The following TRPC4 variants were observed in gnomAD, a reference collection of about 807,000 sequenced individuals.
TRPC4 encodes short transient receptor potential channel 4.
A neutral mutation model predicts 99.4 loss-of-function variants in TRPC4; 49 were observed. The ratio of observed to expected loss-of-function variants is 0.49; its 90% CI spans 0.39 to 0.63. The LOEUF (loss-of-function observed/expected upper bound fraction) is 0.63. Ranked by LOEUF, TRPC4 falls within the 20% of genes least tolerant of loss-of-function variation. TRPC4 has a pLI of 0.00. For synonymous variants in TRPC4, 454 were observed against 425.9 expected (o/e 1.07, Z -0.81); for missense variants, 898 against 1,152.9 (o/e 0.78, Z 3.20).
chr13:37,689,165 A>G (rs1953595887), intron 4 of TRPC4, among the ~76,000 whole-genome samples: 1 of 152,140 alleles, frequency 6.6e-6, no homozygotes, highest in Admixed American at 6.6e-5. Flanking sequence ...GGATGATAGG[A>G]TACAGGGGGA....
intron 1 of TRPC4, among the ~76,000 whole-genome samples, chr13:37,840,517 C>T (rs941672486): frequency 3.3e-5 from 5 of 152,028 alleles, no homozygotes; most frequent in African/African-American, 4.8e-5. Flanking sequence ...TTCTCTATCT[C>T]CTCCCTCTAA....
At chr13:37,725,140 T>C (rs980307427) in intron 3 of TRPC4, among the ~76,000 whole-genome samples, 5 of 151,966 alleles carry the variant, frequency 3.3e-5, no homozygotes, top group African/African-American at 1.2e-4. Context: ...TTGGGCGGAC[T>C]GAAGAAAAAA....
At chr13:37,748,995 T>C (rs1391698690) in intron 2 of TRPC4, among the ~76,000 whole-genome samples, 2 of 152,146 alleles carry the variant, frequency 1.3e-5, no homozygotes, top group East Asian at 1.9e-4. Context: ...TCCTCATGTA[T>C]ACAGGGATAT....
At chr13:37,753,122 T>C (rs1955982981) in intron 2 of TRPC4, among the ~76,000 whole-genome samples, 1 of 151,856 alleles carries the variant, frequency 6.6e-6, no homozygotes, top group Non-Finnish European at 1.5e-5. Context: ...CAGAAAAGGA[T>C]TTGAGGAGGT....
intron 4 of TRPC4, among the ~76,000 whole-genome samples, chr13:37,676,699 A>C (rs1171702954): frequency 6.6e-6 from 1 of 152,130 alleles, no homozygotes; most frequent in Admixed American, 6.5e-5. Context: ...GTGCTGAAAG[A>C]AAAAGAATAA....
In TRPC4 at chr13:37,637,044, C is replaced by T. The variant is rs1382161967; in HGVS notation, c.2793G>A (p.Lys931=). Residue 931 remains lysine, a synonymous_variant, in exon 11 of 11, where the codon AAG becomes AAA. Coordinates refer to ENST00000379705, the MANE Select transcript of TRPC4 (RefSeq NM_016179.4). ...LQVGKRVCPF[K]SEKVVVEDTV... is the part of the protein sequence containing the mutation. ...TGTCCTCCACCACCACCTTCTCTGA[C>T]TTGAATGGACACACTCTCTTTCCTA... 2.5e-6 allele frequency: 4 copies of T among 1,613,640 alleles called. No individual in the cohort carries two copies. The African/African-American group carries it at 4.0e-5, about 16-fold the overall frequency.
chr13:37,865,888 T>C (rs149831753), intron 1 of TRPC4, among the ~76,000 whole-genome samples: 251 of 151,898 alleles, frequency 1.7e-3, no homozygotes, highest in African/African-American at 5.8e-3. Flanking sequence ...AGTTTCAAGG[T>C]AGATGTTAAG....
chr13:37,835,683 A>G (rs1215055406), intron 1 of TRPC4, among the ~76,000 whole-genome samples: 4 of 152,196 alleles, frequency 2.6e-5, no homozygotes, highest in Non-Finnish European at 4.4e-5. Flanking sequence ...CCAAAAAAAG[A>G]GGAAGATAAC....
In TRPC4 at chr13:37,639,073, T is replaced by G. The variant is rs555604232; in HGVS notation, c.2178A>C (p.Lys726Asn). The change falls in exon 10 of 11, where the codon AAA becomes AAC. Residue 726 changes from lysine (K) to asparagine (N), a missense_variant. Around this residue, in one of 3 missense-constraint regions of TRPC4, gnomAD observed 346 missense variants for 351.4 expected, o/e 0.98. Coordinates refer to ENST00000379705, the MANE Select transcript of TRPC4 (RefSeq NM_016179.4). The stretch of plus-strand genomic sequence containing the variant: ...TCTCTTCGGTCAGGCCTTCTTCAGT[T>G]TTAGCATCTCTAATCATTGCAGCAA... ...RYVAAMIRDA[K>N]TEEGLTEENF... The G allele has an allele frequency of 6.2e-7, 1 of 1,613,696 alleles. No individual in the cohort carries two copies. The highest frequency in any genetic ancestry group is 1.1e-5 in the South Asian group (1 of 91,076).
chr13:37,858,905 T>G (rs1428530292), intron 1 of TRPC4, among the ~76,000 whole-genome samples: 2 of 151,162 alleles, frequency 1.3e-5, no homozygotes, highest in East Asian at 1.9e-4. Flanking sequence ...TCATTTAACT[T>G]TACATTTAAA....
At chr13:37,782,502 T>C (rs567692295) in intron 2 of TRPC4, among the ~76,000 whole-genome samples, 3 of 152,128 alleles carry the variant, frequency 2.0e-5, no homozygotes, top group Non-Finnish European at 2.9e-5. Flanking sequence ...TGCAACTCAC[T>C]TTTGCAGTAA....
intron 8 of TRPC4, among the ~76,000 whole-genome samples, chr13:37,639,934 G>A (rs572157713): frequency 3.7e-4 from 57 of 152,018 alleles, no homozygotes; most frequent in Non-Finnish European, 6.2e-4. Context: ...TGAGAGCAGA[G>A]GTGGGGTAAG....
At chr13:37,818,430 AC>A (rs1232040191) in intron 1 of TRPC4, among the ~76,000 whole-genome samples, 1 of 152,106 alleles carries the variant, frequency 6.6e-6, no homozygotes, top group Non-Finnish European at 1.5e-5. Context: ...ATACCATTTG[AC>A]CCCGCAATCC....
chr13:37,760,974 G>T (rs1438934973), intron 2 of TRPC4, among the ~76,000 whole-genome samples: 1 of 151,916 alleles, frequency 6.6e-6, no homozygotes, highest in Admixed American at 6.6e-5. Flanking sequence ...AAAAATACCA[G>T]CAAAGACTTA....
Position 37,634,833 on chromosome 13 carries a change from G to C in TRPC4, c.*2070C>G, listed in dbSNP as rs1161061224. On this transcript the variant is annotated 3_prime_UTR_variant, in exon 11 of 11. Transcript: ENST00000379705. ...GAGTATTTCAGTAGCCCCAGGATTTGCTCTGAGTCCTAATATACTTGAGAT... is the reference window on the plus strand; with the variant it reads ...GAGTATTTCAGTAGCCCCAGGATTTCCTCTGAGTCCTAATATACTTGAGAT... 1.3e-5 allele frequency among the ~76,000 whole-genome samples: 2 copies of C among 151,978 alleles called. No homozygotes were observed. The highest frequency in any genetic ancestry group is 4.8e-5 in the African/African-American group (2 of 41,398).
intron 4 of TRPC4, among the ~76,000 whole-genome samples, chr13:37,682,993 G>C (rs188432810): frequency 6.8e-6 from 1 of 146,944 alleles, no homozygotes; most frequent in Non-Finnish European, 1.5e-5. Context: ...TTGAACTCCT[G>C]GCATCAAGCA....
chr13:37,832,675 C>T (rs1187112600), intron 1 of TRPC4, among the ~76,000 whole-genome samples: 3 of 151,920 alleles, frequency 2.0e-5, no homozygotes, highest in Non-Finnish European at 4.4e-5. Flanking sequence ...ATATTAAAAT[C>T]AATAATTACA....
At chr13:37,777,332 G>A (rs1032311926) in intron 2 of TRPC4, among the ~76,000 whole-genome samples, 2 of 151,878 alleles carry the variant, frequency 1.3e-5, no homozygotes, top group Non-Finnish European at 2.9e-5. Flanking sequence ...AAGAGTGAAG[G>A]GGAAGCAAGC....
rs1951413589 is a variant in TRPC4 at position 37,632,321 on chromosome 13, A to G, written c.*4582T>C. ...CAAACTCATTTACTTAGTATATTTTAAATCAATACTTCATAAATACTATCA... is the reference window on the plus strand; with the variant it reads ...CAAACTCATTTACTTAGTATATTTTGAATCAATACTTCATAAATACTATCA... On this transcript the variant is annotated 3_prime_UTR_variant, in exon 11 of 11. Coordinates refer to ENST00000379705, the MANE Select transcript of TRPC4 (RefSeq NM_016179.4). Among the ~76,000 whole-genome samples, 1 of 152,244 alleles carries G rather than the reference A, an allele frequency of 6.6e-6. No individual in the cohort carries two copies.
Sources: allele counts gnomAD v4.1 joint callset (sites outside exome capture counted in the v4.1 genomes callset), GRCh38; gene constraint gnomAD v4.1.1; regional missense constraint gnomAD v4.1.1; transcripts MANE v1.5; gene names NCBI Gene and HGNC (gene_info 2026-07-23, HGNC 2026-07-21).